Variants in SMYD3 observed in about 807,000 individuals in gnomAD.
The protein encoded by SMYD3 is histone-lysine N-methyltransferase SMYD3.
Under a neutral mutation model 57.7 loss-of-function variants are expected in SMYD3, and 36 were observed. The observed-to-expected ratio is 0.62, with a 90% CI of 0.48 to 0.82. The LOEUF (loss-of-function observed/expected upper bound fraction) is 0.82, where lower values mean the gene tolerates loss of function less well. Among genes scored for constraint, SMYD3 ranks in the 40% least tolerant of loss-of-function variants. The pLI is 0.00. For synonymous variants in SMYD3, 211 were observed against 195.0 expected, an observed-to-expected ratio of 1.08 and a Z score of -0.68; for missense variants, 515 against 538.8, an observed-to-expected ratio of 0.96 and a Z score of 0.44.
chr1:246,242,374 G>A (rs1572266691), intron 5 of SMYD3, among the ~76,000 whole-genome samples: 2 of 152,166 alleles, frequency 1.3e-5, no homozygotes, highest in Non-Finnish European at 2.9e-5. Flanking sequence ...GGAACAGGTT[G>A]TTCAGTTTCC....
intron 1 of SMYD3, among the ~76,000 whole-genome samples, chr1:246,424,373 C>T (rs907358002): frequency 1.3e-5 from 2 of 151,488 alleles, no homozygotes; most frequent in African/African-American, 4.8e-5. Flanking sequence ...TTAATAAATA[C>T]TCAAAGGAAG....
At chr1:246,256,891 T>C (rs1020510429) in intron 5 of SMYD3, among the ~76,000 whole-genome samples, 1 of 152,202 alleles carries the variant, frequency 6.6e-6, no homozygotes, top group African/African-American at 2.4e-5. Context: ...ATTTAAATTT[T>C]TTTTATTTCT....
At chr1:246,251,379 T>C (rs1241021504) in intron 5 of SMYD3, among the ~76,000 whole-genome samples, 1 of 152,228 alleles carries the variant, frequency 6.6e-6, no homozygotes, top group Non-Finnish European at 1.5e-5. Flanking sequence ...TTATCTCAAG[T>C]GCAAGAACCT....
intron 1 of SMYD3, among the ~76,000 whole-genome samples, chr1:246,395,844 G>A (rs1027356656): frequency 1.4e-5 from 2 of 146,656 alleles, no homozygotes; most frequent in African/African-American, 5.1e-5. Flanking sequence ...CCACTGTCAG[G>A]GGAGAGGAGC....
At chr1:246,134,788 C>A (rs1427913778) in intron 5 of SMYD3, among the ~76,000 whole-genome samples, 1 of 125,226 alleles carries the variant, frequency 8.0e-6, no homozygotes, top group Non-Finnish European at 2.0e-5. Flanking sequence ...ATTGATTGAC[C>A]ACATTTTCTT....
chr1:245,928,004 G>C lies in SMYD3; in HGVS notation c.629C>G (p.Pro210Arg). 6.2e-7 allele frequency: 1 copy of C among 1,612,624 alleles called. No individual in the cohort carries two copies. Among genetic ancestry groups the C allele is most frequent in the Non-Finnish European group, 8.5e-7 (1 of 1,179,092 alleles). ...CCCATTGAACACAATCGAACAGTTG[G>C]GGTCACAGCTGTGATTGAGCAAAGA... ...SISLLNHSCD[P>R]NCSIVFNGPH... The change falls in exon 7 of 12, where the codon CCC becomes CGC. Residue 210 changes from proline (P) to arginine (R), a missense_variant. By Grantham distance (103) the Pro-to-Arg change is moderately radical. Coordinates refer to ENST00000490107, the MANE Select transcript of SMYD3 (RefSeq NM_001167740.2).
At chr1:246,293,588 G>A (rs952416841) in intron 5 of SMYD3, among the ~76,000 whole-genome samples, 7 of 151,988 alleles carry the variant, frequency 4.6e-5, no homozygotes, top group South Asian at 2.1e-4. Context: ...CCCCTCCCCC[G>A]GCACAGTGGA....
At chr1:245,793,068 T>TG (rs1183423703) in intron 10 of SMYD3, among the ~76,000 whole-genome samples, 7 of 56,170 alleles carry the variant, frequency 1.2e-4, no homozygotes, top group South Asian at 1.3e-3. Context: ...CCCAGCACTT[T>TG]GGGAGGCCGA....
chr1:246,414,717 G>GGTTT (rs1553344249), intron 1 of SMYD3, among the ~76,000 whole-genome samples: 1 of 123,376 alleles, frequency 8.1e-6, no homozygotes, highest in African/African-American at 3.1e-5. Flanking sequence ...TTTTTTGCTG[G>GGTTT]TTTTTTTTTT....
At chr1:246,085,740 C>T (rs2060712266) in intron 5 of SMYD3, among the ~76,000 whole-genome samples, 1 of 152,108 alleles carries the variant, frequency 6.6e-6, no homozygotes, top group Non-Finnish European at 1.5e-5. Context: ...TCTCCCATGT[C>T]ACATAAAACT....
intron 10 of SMYD3, among the ~76,000 whole-genome samples, chr1:245,815,269 A>G (rs890045470): frequency 3.3e-5 from 5 of 152,258 alleles, no homozygotes; most frequent in Admixed American, 1.3e-4. Flanking sequence ...GGAACGTGAT[A>G]GTGGCAGAGC....
intron 1 of SMYD3, among the ~76,000 whole-genome samples, chr1:246,375,278 C>T (rs1281220922): frequency 7.2e-6 from 1 of 139,786 alleles, no homozygotes; most frequent in Admixed American, 7.4e-5. Context: ...CTTTATAAAA[C>T]ATACCTACTG....
At chr1:246,365,775 C>T (rs2066091529) in intron 1 of SMYD3, among the ~76,000 whole-genome samples, 1 of 152,130 alleles carries the variant, frequency 6.6e-6, no homozygotes, top group Non-Finnish European at 1.5e-5. Context: ...AACAAGGCAA[C>T]TTAACTTCCA....
chr1:246,326,296 G>A lies in SMYD3; in HGVS notation c.531+905C>T, dbSNP rs2065347109. The stretch of plus-strand genomic sequence containing the variant: ...ATTAAAACAAATGCAAACACACAAT[G>A]TGAGAAAGCGAGGACAGCAGATCCA... On this transcript the variant is annotated intron_variant, in intron 5 of 11. Transcript: ENST00000490107. 4 of 628,644 alleles carry A rather than the reference G, an allele frequency of 6.4e-6. No homozygotes were observed. In the South Asian group the frequency reaches 7.7e-5, roughly 12 times the overall value. 38.9% of individuals were successfully genotyped at this position (628,644 alleles called of 1,614,324 possible).
intron 5 of SMYD3, among the ~76,000 whole-genome samples, chr1:246,014,559 T>C (rs971819777): frequency 1.3e-5 from 2 of 152,132 alleles, no homozygotes; most frequent in African/African-American, 4.8e-5. Flanking sequence ...TTCTCCAAAA[T>C]ACGGTAAATG....
At position 245,939,582 on chromosome 1, in the gene SMYD3, G is replaced by A. The variant is rs1455990472; in HGVS notation, c.532-9645C>T. Among the ~76,000 whole-genome samples the A allele has an allele frequency of 5.3e-5, 8 of 151,800 alleles. No individual in the cohort carries two copies. In the East Asian group the frequency reaches 7.8e-4, roughly 15 times the overall value. On this transcript the variant is annotated intron_variant, in intron 5 of 11. Transcript: ENST00000490107. ...GCAGAGGTTGCAGTGAGCCAAGATC[G>A]CACCACTCCACTCCAGCCTGGCGAC...
intron 10 of SMYD3, among the ~76,000 whole-genome samples, chr1:245,811,957 T>C (rs577112927): frequency 6.6e-6 from 1 of 152,348 alleles, no homozygotes; most frequent in South Asian, 2.1e-4. Flanking sequence ...CCGTTCTTCC[T>C]ACTGCATACA....
At chr1:246,200,034 C>T (rs60524003) in intron 5 of SMYD3, among the ~76,000 whole-genome samples, 1 of 149,874 alleles carries the variant, frequency 6.7e-6, no homozygotes, top group African/African-American at 2.5e-5. Flanking sequence ...ACAGTGTAGA[C>T]TCTGAGCAAG....
intron 5 of SMYD3, among the ~76,000 whole-genome samples, chr1:246,113,156 T>G (rs898157431): frequency 6.6e-6 from 1 of 151,682 alleles, no homozygotes; most frequent in African/African-American, 2.4e-5. Flanking sequence ...CCCTCCAGCC[T>G]GGGCAACAGA....
Sources: allele counts gnomAD v4.1 joint callset (sites outside exome capture counted in the v4.1 genomes callset), GRCh38; gene constraint gnomAD v4.1.1; transcripts MANE v1.5; gene names NCBI Gene and HGNC (gene_info 2026-07-23, HGNC 2026-07-21).